RIN3: variants seen among roughly 807,000 people sequenced by gnomAD.
RIN3 encodes the protein RAB5 interacting protein 3.
A neutral mutation model predicts 76.3 loss-of-function variants in RIN3; 54 were observed. The ratio of observed to expected loss-of-function variants is 0.71; its 90% CI spans 0.57 to 0.89. RIN3 has a LOEUF of 0.89. Ranked by LOEUF, RIN3 falls within the 40% of genes least tolerant of loss-of-function variation. The probability of loss-of-function intolerance (pLI) is 0.00; values close to 1 mark genes in which losing one functional copy is unlikely to be tolerated. For missense variants in RIN3, 1,256 were observed against 1,322.1 expected, an observed-to-expected ratio of 0.95 and a Z score of 0.78; for synonymous variants, 576 against 564.0, an observed-to-expected ratio of 1.02 and a Z score of -0.30.
chr14:92,652,517 T>C lies in RIN3; in HGVS notation c.1468T>C (p.Leu490=). The change falls in exon 6 of 10, where the codon TTG becomes CTG. Residue 490 remains leucine, a synonymous_variant. Coordinates refer to ENST00000216487, the MANE Select transcript of RIN3 (RefSeq NM_024832.5). This position sits in a 1 kb window ranked among gnomAD's most constrained non-coding sequence, Gnocchi z 6.4. ...NAELCTQAMA[L]ETPTPGPPRE... Reference sequence around the variant, plus strand: ...TGAGCTCTGCACACAGGCGATGGCCTTGGAGACACCCACGCCGGGTCCACC... The same window carrying C: ...TGAGCTCTGCACACAGGCGATGGCCCTGGAGACACCCACGCCGGGTCCACC... 6.2e-7 allele frequency: 1 copy of C among 1,613,830 alleles called. No homozygotes were observed. The highest frequency in any genetic ancestry group is 2.2e-5 in the East Asian group (1 of 44,854).
intron 2 of RIN3, 122 bp downstream of exon 2, chr14:92,556,077 C>T (rs1324491923): frequency 6.3e-6 from 5 of 797,442 alleles, no homozygotes; most frequent in Non-Finnish European, 1.0e-5. Context: ...ATGTTTATTT[C>T]CCTTTCCTAC....
intron 1 of RIN3, among the ~76,000 whole-genome samples, chr14:92,516,594 C>T (rs1342320693): frequency 6.6e-6 from 1 of 152,158 alleles, no homozygotes; most frequent in Non-Finnish European, 1.5e-5. Flanking sequence ...AGGGTCACCT[C>T]ACCATCTCAA....
In RIN3 at chr14:92,652,585, C is replaced by T; in HGVS notation, c.1536C>T (p.His512=). The T allele has an allele frequency of 1.2e-6, 2 of 1,611,910 alleles. No individual in the cohort carries two copies. Among genetic ancestry groups the T allele is most frequent in the South Asian group, 1.1e-5 (1 of 91,088 alleles). ...QSPASQAGTQ[H]PPAQATAHSQ... ...CTGCTTCTCAGGCTGGGACTCAGCACCCTCCTGCCCAGGCCACTGCCCATT... is the reference window on the plus strand; with the variant it reads ...CTGCTTCTCAGGCTGGGACTCAGCATCCTCCTGCCCAGGCCACTGCCCATT... The change falls in exon 6 of 10, where the codon CAC becomes CAT. Residue 512 remains histidine (H), a synonymous_variant. Coordinates refer to ENST00000216487, the MANE Select transcript of RIN3 (RefSeq NM_024832.5). This position sits in a 1 kb window ranked among gnomAD's most constrained non-coding sequence, Gnocchi z 6.4.
chr14:92,596,572 TAATC>T (rs1885155219), intron 3 of RIN3, among the ~76,000 whole-genome samples: 5 of 152,348 alleles, frequency 3.3e-5, no homozygotes, highest in African/African-American at 4.8e-5. Flanking sequence ...GAGGAGTTAA[TAATC>T]AATCCTTTAT....
At chr14:92,578,747 A>T (rs1035060318) in intron 3 of RIN3, among the ~76,000 whole-genome samples, 2 of 152,146 alleles carry the variant, frequency 1.3e-5, no homozygotes, top group African/African-American at 4.8e-5. Context: ...ACAAGACCAA[A>T]TGAGCCAGTT....
In RIN3 at chr14:92,676,464, C is replaced by G. The variant is rs1363499420; in HGVS notation, c.2336-11C>G. On this transcript the variant is annotated splice_polypyrimidine_tract_variant and intron_variant, in intron 7 of 9. Transcript: ENST00000216487. ...GGAACTCATCTCCCTCTGCCTCCTTCTTCTTCCCAGGGAAGCCCTATGGGG... is the reference window on the plus strand; with the variant it reads ...GGAACTCATCTCCCTCTGCCTCCTTGTTCTTCCCAGGGAAGCCCTATGGGG... 2 of 1,612,566 alleles carry G rather than the reference C, an allele frequency of 1.2e-6. No individual in the cohort carries two copies. The highest frequency in any genetic ancestry group is 1.7e-5 in the Admixed American group (1 of 60,000).
Position 92,651,795 on chromosome 14 carries a change from C to A in RIN3, c.746C>A (p.Thr249Asn), listed in dbSNP as rs1029293060. The change falls in exon 6 of 10, where the codon ACC becomes AAC. Residue 249 changes from threonine (T) to asparagine (N), a missense_variant. Thr to Asn is a moderately conservative substitution (Grantham distance 65). Coordinates refer to ENST00000216487, the MANE Select transcript of RIN3 (RefSeq NM_024832.5). ...GAGGACTGCAGCAGCGCCCTGCCCA[C>A]CGACCAGCCACCTCTTGGAAATTGC... ...FIEDCSSALP[T>N]DQPPLGNCPA... 1 of 1,613,812 alleles carries A rather than the reference C, an allele frequency of 6.2e-7. No homozygotes were observed. Among genetic ancestry groups the A allele is most frequent in the Middle Eastern group, 1.7e-4 (1 of 6,054 alleles).
At chr14:92,573,727 A>G (rs1056637293) in intron 2 of RIN3, among the ~76,000 whole-genome samples, 6 of 152,232 alleles carry the variant, frequency 3.9e-5, no homozygotes, top group Non-Finnish European at 2.9e-5. Context: ...CTGTCTTACT[A>G]TATACCACAC....
intron 4 of RIN3, among the ~76,000 whole-genome samples, chr14:92,619,520 A>T (rs992315931): frequency 1.4e-5 from 2 of 144,216 alleles, no homozygotes; most frequent in Non-Finnish European, 3.0e-5. Flanking sequence ...GCTCACTGCA[A>T]TCTCTGCCTC....
intron 6 of RIN3, 48 bp from the exon 7 acceptor site, chr14:92,659,113 G>T: frequency 6.3e-7 from 1 of 1,584,174 alleles, no homozygotes; most frequent in East Asian, 2.2e-5. Context: ...CAGGTGGCAG[G>T]ATCCCTGCAT....
chr14:92,589,774 C>T (rs890540236), intron 3 of RIN3, among the ~76,000 whole-genome samples: 3 of 152,304 alleles, frequency 2.0e-5, no homozygotes, highest in Non-Finnish European at 2.9e-5. Context: ...TCCCATGTGA[C>T]GTGGGTGTTC....
At chr14:92,657,223 G>C (rs186524373) in intron 6 of RIN3, among the ~76,000 whole-genome samples, 143 of 152,264 alleles carry the variant, frequency 9.4e-4, no homozygotes, top group Admixed American at 2.2e-3. Context: ...AGCCAGGCAT[G>C]GTGGTGGGTA....
At chr14:92,561,310 C>T in intron 2 of RIN3, among the ~76,000 whole-genome samples, 1 of 151,162 alleles carries the variant, frequency 6.6e-6, no homozygotes. Context: ...GGATTCAGGC[C>T]CTTTGTTCCA....
In RIN3 at chr14:92,574,595, AAAGGGAAGCTCAG is replaced by A. The variant is rs773178803; in HGVS notation, c.250-2764_250-2752del. 1.2e-3 allele frequency among the ~76,000 whole-genome samples: 182 copies of A among 152,232 alleles called. 2 individuals are homozygous for A. Among genetic ancestry groups the A allele is most frequent in the Non-Finnish European group, 2.1e-3 (140 of 68,006 alleles). On this transcript the variant is annotated intron_variant, in intron 2 of 9. Transcript: ENST00000216487. The stretch of plus-strand genomic sequence containing the variant: ...ATGATTTGGGGGCTGCTTTTTGTTA[AAAGGGAAGCTCAG>A]CAGAGGACTCTGTTACCCTCACTAT...
intron 7 of RIN3, among the ~76,000 whole-genome samples, chr14:92,667,326 G>C (rs1452188194): frequency 6.6e-6 from 1 of 152,162 alleles, no homozygotes; most frequent in East Asian, 1.9e-4. Flanking sequence ...AGACCAGCCT[G>C]ACCAACATGG....
chr14:92,535,660 TG>T (rs1407672259), intron 1 of RIN3, among the ~76,000 whole-genome samples: 1 of 143,340 alleles, frequency 7.0e-6, no homozygotes, highest in East Asian at 2.1e-4. Flanking sequence ...ACAGTCTACC[TG>T]GAACAGACTT....
In RIN3 at chr14:92,643,896, C is replaced by G. The variant is rs1033598409; in HGVS notation, c.532+2567C>G. On this transcript the variant is annotated intron_variant, in intron 5 of 9. Transcript: ENST00000216487. This position sits in a 1 kb window ranked among gnomAD's most constrained non-coding sequence, Gnocchi z 4.8. The stretch of plus-strand genomic sequence containing the variant: ...TGAGCTGAGATTGCCCCACTGCACT[C>G]CAGCGTGGGCAACAGACTGAGACTC... Among the ~76,000 whole-genome samples the G allele has an allele frequency of 6.6e-6, 1 of 152,094 alleles. No homozygotes were observed. Among genetic ancestry groups the G allele is most frequent in the South Asian group, 2.1e-4 (1 of 4,814 alleles).
At chr14:92,518,805 G>GTC (rs1468870068) in intron 1 of RIN3, among the ~76,000 whole-genome samples, 2 of 151,452 alleles carry the variant, frequency 1.3e-5, no homozygotes, top group East Asian at 1.9e-4. Context: ...GTGTGTGTGT[G>GTC]TGTGTGTGTG....
In RIN3 at chr14:92,648,054, G is replaced by A. The variant is rs980225005; in HGVS notation, c.533-3528G>A. Among the ~76,000 whole-genome samples the A allele has an allele frequency of 6.6e-6, 1 of 151,868 alleles. No homozygotes were observed. Among genetic ancestry groups the A allele is most frequent in the Admixed American group, 6.6e-5 (1 of 15,260 alleles). On this transcript the variant is annotated intron_variant, in intron 5 of 9. Coordinates refer to ENST00000216487, the MANE Select transcript of RIN3 (RefSeq NM_024832.5). This position sits in a 1 kb window ranked among gnomAD's most constrained non-coding sequence, Gnocchi z 4.1. ...AGGGTTCTGTTTCTCCCCTGGCCTTGGCGTTCTCAGGCTGCAGAGAAAGTT... is the reference window on the plus strand; with the variant it reads ...AGGGTTCTGTTTCTCCCCTGGCCTTAGCGTTCTCAGGCTGCAGAGAAAGTT...
Sources: gnomAD v4.1 joint callset for allele counts (sites outside exome capture counted in the v4.1 genomes callset) on GRCh38, gnomAD v4.1.1 for gene constraint, Gnocchi (gnomAD v3.1) non-coding constraint, MANE v1.5 for transcripts, NCBI Gene and HGNC (gene_info 2026-07-23, HGNC 2026-07-21) for gene names.